ZFPM1: variants seen among roughly 807,000 people sequenced by gnomAD.
ZFPM1 encodes the protein zinc finger protein ZFPM1.
In ZFPM1, 28 loss-of-function variants were observed where a neutral mutation model predicts 46.3. That is an observed-to-expected ratio of 0.60 (90% confidence interval 0.45 to 0.83). The LOEUF (loss-of-function observed/expected upper bound fraction) is 0.83, where lower values mean the gene tolerates loss of function less well. Among genes scored for constraint, ZFPM1 ranks in the 40% least tolerant of loss-of-function variants. ZFPM1 has a pLI of 0.00. For synonymous variants in ZFPM1, 957 were observed against 675.9 expected (o/e 1.42, Z -6.45); for missense variants, 1,878 against 1,432.4 (o/e 1.31, Z -5.02).
intron 3 of ZFPM1, among the ~76,000 whole-genome samples, chr16:88,505,790 G>A (rs1316770547): frequency 2.6e-5 from 4 of 152,154 alleles, no homozygotes; most frequent in East Asian, 1.9e-4. Flanking sequence ...GCTGGTGGGC[G>A]GGTGCTTGGA....
At chr16:88,467,168 G>A (rs928489268) in intron 1 of ZFPM1, among the ~76,000 whole-genome samples, 1 of 152,100 alleles carries the variant, frequency 6.6e-6, no homozygotes, top group African/African-American at 2.4e-5. Flanking sequence ...GGCCAGAGTG[G>A]CTCCAGAACA....
intron 3 of ZFPM1, among the ~76,000 whole-genome samples, chr16:88,499,588 G>A (rs527829731): frequency 6.6e-6 from 1 of 152,256 alleles, no homozygotes; most frequent in Non-Finnish European, 1.5e-5. Flanking sequence ...AGGTCTGCGT[G>A]CAGTGTGGGG....
chr16:88,529,280 G>A (rs900770535), intron 6 of ZFPM1, among the ~76,000 whole-genome samples: 8 of 152,354 alleles, frequency 5.3e-5, no homozygotes, highest in East Asian at 1.9e-4. Context: ...GGACGGCACC[G>A]GATGGCGTTT....
intron 1 of ZFPM1, among the ~76,000 whole-genome samples, chr16:88,462,756 G>T (rs892475395): frequency 1.3e-5 from 2 of 152,202 alleles, no homozygotes; most frequent in Non-Finnish European, 2.9e-5. Flanking sequence ...CAAAGTGGGG[G>T]TATCGTAAGG....
intron 4 of ZFPM1, chr16:88,516,379 C>T (rs1018292885): frequency 2.0e-5 from 8 of 397,588 alleles, no homozygotes; most frequent in Middle Eastern, 6.2e-4. Context: ...GATACGGGCA[C>T]GGGGTTAGAA....
At chr16:88,515,835 C>G (rs529197423) in intron 4 of ZFPM1, among the ~76,000 whole-genome samples, 2 of 152,194 alleles carry the variant, frequency 1.3e-5, no homozygotes, top group Non-Finnish European at 2.9e-5. Flanking sequence ...CATCACTGTA[C>G]GCGTGTGAGC....
At chr16:88,518,770 T>C (rs544331256) in intron 4 of ZFPM1, among the ~76,000 whole-genome samples, 1 of 122,208 alleles carries the variant, frequency 8.2e-6, no homozygotes, top group African/African-American at 3.1e-5. Context: ...GATGGATGGA[T>C]GGATGATGGG....
chr16:88,533,207 G>T lies in ZFPM1; in HGVS notation c.1249G>T (p.Asp417Tyr). 1 of 1,556,822 alleles carries T rather than the reference G, an allele frequency of 6.4e-7. No homozygotes were observed. The highest frequency in any genetic ancestry group is 8.6e-7 in the Non-Finnish European group (1 of 1,160,206). Residue 417 changes from aspartate to tyrosine, a missense_variant, in exon 10 of 10, where the codon GAC (aspartate) becomes TAC (tyrosine). Coordinates refer to ENST00000319555, the MANE Select transcript of ZFPM1 (RefSeq NM_153813.3). The part of the protein sequence containing the change: ...TALQGPLASA[D>Y]LGLAPTPSPG... ...CCTGCAAGGCCCCCTGGCCTCCGCG[G>T]ACCTGGGCCTGGCGCCCACCCCATC...
chr16:88,498,439 G>A (rs1037654336), intron 3 of ZFPM1, among the ~76,000 whole-genome samples: 6 of 152,206 alleles, frequency 3.9e-5, no homozygotes, highest in East Asian at 1.9e-4. Context: ...TGTCCTGCCC[G>A]GGAGCAGTTA....
At chr16:88,484,463 C>T (rs1359922766) in intron 1 of ZFPM1, among the ~76,000 whole-genome samples, 1 of 152,210 alleles carries the variant, frequency 6.6e-6, no homozygotes, top group African/African-American at 2.4e-5. Flanking sequence ...AACTCAGACA[C>T]GCGGTTTCCA....
rs112389505 is a variant in ZFPM1 at position 88,501,290 on chromosome 16, C to T, written c.268+12137C>T. On this transcript the variant is annotated intron_variant, in intron 3 of 9. Transcript: ENST00000319555. The stretch of plus-strand genomic sequence containing the variant: ...AGATAGTGGGCCTGGGTGCGGGGGC[C>T]CTCCCGCAGGTGCTGGTGATGATGG... Among the ~76,000 whole-genome samples the T allele has an allele frequency of 3.2e-3, 292 of 91,064 alleles. 3 individuals carry two copies. Among genetic ancestry groups the T allele is most frequent in the Middle Eastern group, 0.012 (1 of 86 alleles). The allele number at this position is 91,064 out of a possible 152,430, so 59.7% of individuals were successfully genotyped here. A position where few individuals can be genotyped will look rare whatever the true frequency, so the allele number is the denominator to read the frequency against.
chr16:88,531,778 C>T (rs1912802795), intron 6 of ZFPM1, among the ~76,000 whole-genome samples: 1 of 152,188 alleles, frequency 6.6e-6, no homozygotes, highest in African/African-American at 2.4e-5. Context: ...TCACTCAGAC[C>T]CCACTCCCCA....
chr16:88,527,590 G>C (rs1222220561), intron 5 of ZFPM1, among the ~76,000 whole-genome samples: 2 of 152,074 alleles, frequency 1.3e-5, no homozygotes, highest in Non-Finnish European at 2.9e-5. Context: ...AGGTGAACAA[G>C]CCGGCCCCGC....
intron 1 of ZFPM1, among the ~76,000 whole-genome samples, chr16:88,460,989 CGG>C (rs1907816110): frequency 6.2e-4 from 7 of 11,350 alleles, no homozygotes; most frequent in Admixed American, 2.7e-3. Context: ...AGGGGAGGGG[CGG>C]GAGGCCTGGT....
chr16:88,504,782 G>A (rs1301458506), intron 3 of ZFPM1, among the ~76,000 whole-genome samples: 6 of 152,198 alleles, frequency 3.9e-5, no homozygotes, highest in Non-Finnish European at 7.4e-5. Flanking sequence ...ACCTGGCTCC[G>A]AGCTGTCCTC....
chr16:88,508,959 G>A (rs1038470244), intron 3 of ZFPM1, among the ~76,000 whole-genome samples: 35 of 152,322 alleles, frequency 2.3e-4, no homozygotes, highest in Middle Eastern at 3.4e-3. Context: ...CACGCGGCGC[G>A]TCATCGTGGA....
rs1912491503 is a variant in ZFPM1 at position 88,528,130 on chromosome 16, G to C, written c.604G>C (p.Val202Leu). The C allele has an allele frequency of 6.3e-7, 1 of 1,598,650 alleles. No homozygotes were observed. Among genetic ancestry groups the C allele is most frequent in the South Asian group, 1.1e-5 (1 of 88,926 alleles). ...GCCCCACAGCACCCCCGGCCACCCT[G>C]TGAAGAAGGAGCCAGCAGAGCCCAC... ...AEPHSTPGHP[V>L]KKEPAEPTCP... The change falls in exon 6 of 10, where the codon GTG (valine) becomes CTG (leucine). Residue 202 changes from valine to leucine, a missense_variant. Physicochemically the swap from Val to Leu is conservative, Grantham distance 32. Coordinates refer to ENST00000319555, the MANE Select transcript of ZFPM1 (RefSeq NM_153813.3).
chr16:88,514,408 A>G lies in ZFPM1; in HGVS notation c.290A>G (p.Gln97Arg). The change falls in exon 4 of 10, where the codon CAG becomes CGG. Residue 97 changes from glutamine to arginine, a missense_variant. Transcript: ENST00000319555. Reference sequence around the variant, plus strand: ...GCAGACGAGCTGGAGCCGGTGGTGCAGGATGGGCAGAGGCGCATACGGGCC... The same window carrying G: ...GCAGACGAGCTGGAGCCGGTGGTGCGGGATGGGCAGAGGCGCATACGGGCC... ...SGPDELEPVVQDGQRRIRARL... is the reference protein window; with the variant it reads ...SGPDELEPVVRDGQRRIRARL... 6.4e-7 allele frequency: 1 copy of G among 1,564,032 alleles called. No homozygotes were observed. The highest frequency in any genetic ancestry group is 8.7e-7 in the Non-Finnish European group (1 of 1,154,754).
At chr16:88,519,474 GGATA>G (rs1384421195) in intron 4 of ZFPM1, among the ~76,000 whole-genome samples, 1 of 151,246 alleles carries the variant, frequency 6.6e-6, no homozygotes, top group African/African-American at 2.4e-5. Flanking sequence ...GTGGATGGAT[GGATA>G]GACATATGGG....
Sources: gnomAD v4.1 joint callset for allele counts (sites outside exome capture counted in the v4.1 genomes callset) on GRCh38, gnomAD v4.1.1 for gene constraint, MANE v1.5 for transcripts, NCBI Gene and HGNC (gene_info 2026-07-23, HGNC 2026-07-21) for gene names.